The following EPB41L3 variants were observed in gnomAD, a reference collection of about 807,000 sequenced individuals.
The protein encoded by EPB41L3 is band 4.1-like protein 3.
A neutral mutation model predicts 127.1 loss-of-function variants in EPB41L3; 57 were observed. The ratio of observed to expected loss-of-function variants is 0.45; its 90% CI spans 0.36 to 0.56. The LOEUF is 0.56. Among genes scored for constraint, EPB41L3 ranks in the 20% least tolerant of loss-of-function variants. The pLI, the probability that EPB41L3 is intolerant of heterozygous loss-of-function variation, is 0.00. For missense variants in EPB41L3, 1,273 were observed against 1,372.2 expected, an observed-to-expected ratio of 0.93 and a Z score of 1.14; for synonymous variants, 572 against 549.5, an observed-to-expected ratio of 1.04 and a Z score of -0.57.
At chr18:5,427,418 T>C (rs1276994207) in intron 9 of EPB41L3, among the ~76,000 whole-genome samples, 1 of 152,164 alleles carries the variant, frequency 6.6e-6, no homozygotes, top group Non-Finnish European at 1.5e-5. Context: ...CTAAGGAAGA[T>C]ATAAACGTAA....
chr18:5,395,173 T>C (rs372063784), intron 20 of EPB41L3, 26 bp from the exon 21 acceptor site: 19 of 1,599,412 alleles, frequency 1.2e-5, no homozygotes, highest in South Asian at 5.5e-5. Flanking sequence ...AGAAGCTTTA[T>C]GAATTTACTC....
At chr18:5,487,423 T>A (rs1165855846) in intron 2 of EPB41L3, among the ~76,000 whole-genome samples, 2 of 150,132 alleles carry the variant, frequency 1.3e-5, no homozygotes, top group Admixed American at 1.3e-4. Flanking sequence ...TATAAAAATA[T>A]AAATGTACTT....
chr18:5,568,985 A>G (rs1260536342), intron 3 of EPB41L3, among the ~76,000 whole-genome samples: 1 of 152,246 alleles, frequency 6.6e-6, no homozygotes, highest in East Asian at 1.9e-4. Flanking sequence ...GCAGTCTCTA[A>G]GGAACATTTC....
At chr18:5,481,298 A>G (rs565479123) in intron 2 of EPB41L3, among the ~76,000 whole-genome samples, 1 of 152,340 alleles carries the variant, frequency 6.6e-6, no homozygotes, top group East Asian at 1.9e-4. Context: ...CACCAGCAAC[A>G]ACCTGGAACT....
At chr18:5,556,964 G>C (rs553615864) in intron 3 of EPB41L3, among the ~76,000 whole-genome samples, 13 of 152,244 alleles carry the variant, frequency 8.5e-5, no homozygotes, top group South Asian at 6.2e-4. Flanking sequence ...CTCTCTCTCT[G>C]CCAGCACAGC....
At chr18:5,587,274 C>T (rs917970923) in intron 3 of EPB41L3, among the ~76,000 whole-genome samples, 4 of 152,010 alleles carry the variant, frequency 2.6e-5, no homozygotes, top group Admixed American at 1.3e-4. Context: ...AGCTTTTGCA[C>T]GTTCTTTTAC....
intron 3 of EPB41L3, among the ~76,000 whole-genome samples, chr18:5,454,624 CT>C (rs2082761333): frequency 6.6e-6 from 1 of 152,172 alleles, no homozygotes; most frequent in African/African-American, 2.4e-5. Context: ...TCAGTCCTTT[CT>C]TTAAATTCAT....
intron 1 of EPB41L3, among the ~76,000 whole-genome samples, chr18:5,617,030 T>C (rs1568653855): frequency 6.6e-6 from 1 of 152,216 alleles, no homozygotes; most frequent in East Asian, 1.9e-4. Flanking sequence ...CTTTAAAAGA[T>C]AATGCCTAAC....
At chr18:5,429,824 A>G (rs547828299) in intron 8 of EPB41L3, among the ~76,000 whole-genome samples, 1 of 152,294 alleles carries the variant, frequency 6.6e-6, no homozygotes, top group South Asian at 2.1e-4. Context: ...AATTTGAAAG[A>G]GTGATTTAAA....
chr18:5,484,518 A>AT (rs1010217062), intron 2 of EPB41L3, among the ~76,000 whole-genome samples: 17 of 141,902 alleles, frequency 1.2e-4, no homozygotes, highest in South Asian at 4.5e-4. Flanking sequence ...TGAAATTGAG[A>AT]TAAAAAAAAA....
intron 3 of EPB41L3, among the ~76,000 whole-genome samples, chr18:5,474,559 T>A (rs2086793465): frequency 6.6e-6 from 1 of 152,144 alleles, no homozygotes; most frequent in South Asian, 2.1e-4. Context: ...GCCTTAATGA[T>A]TTTAAGTTGA....
rs571320717 is a variant in EPB41L3 at position 5,615,455 on chromosome 18, G to A, written c.-467-1032C>T. On this transcript the variant is annotated intron_variant, in intron 1 of 21. Coordinates refer to the EPB41L3 transcript ENST00000545076. ...TGTTTTGATACATGGGGGAGGTGGG[G>A]ATGGCTAATGGGTACAAAAAAACTA... 9.4e-4 allele frequency among the ~76,000 whole-genome samples: 143 copies of A among 152,126 alleles called. 1 individual carries two copies. The Middle Eastern group carries it at 0.014, about 14-fold the overall frequency.
At position 5,445,251 on chromosome 18, in the gene EPB41L3, A is replaced by G. The variant is rs1362193171; in HGVS notation, c.382-7T>C. The G allele has an allele frequency of 1.2e-6, 2 of 1,607,570 alleles. No individual in the cohort carries two copies. Among genetic ancestry groups the G allele is most frequent in the African/African-American group, 1.3e-5 (1 of 74,944 alleles). ...CTTGTCCTCTGGAGCGTTTCTACAG[A>G]AAACAGAATAGCAAAGCAAGTCAAT... On this transcript the variant is annotated splice_region_variant and splice_polypyrimidine_tract_variant and intron_variant, in intron 3 of 22. Coordinates refer to ENST00000341928, the MANE Select transcript of EPB41L3 (RefSeq NM_012307.5).
chr18:5,469,548 G>C (rs1384549571), intron 3 of EPB41L3, among the ~76,000 whole-genome samples: 1 of 152,188 alleles, frequency 6.6e-6, no homozygotes, highest in Non-Finnish European at 1.5e-5. Flanking sequence ...CCCTTGACAG[G>C]TGTGGGATCT....
At chr18:5,475,893 G>T (rs781687381) in intron 3 of EPB41L3, among the ~76,000 whole-genome samples, 1 of 151,860 alleles carries the variant, frequency 6.6e-6, no homozygotes, top group Non-Finnish European at 1.5e-5. Flanking sequence ...TCAAGTCTTT[G>T]ATACAGATTC....
chr18:5,526,946 A>T (rs1259466694), intron 1 of EPB41L3, among the ~76,000 whole-genome samples: 1 of 152,078 alleles, frequency 6.6e-6, no homozygotes, highest in African/African-American at 2.4e-5. Flanking sequence ...CTGAATAGAG[A>T]CAGTGAAAAT....
At chr18:5,607,231 G>C (rs930171627) in intron 3 of EPB41L3, among the ~76,000 whole-genome samples, 1 of 152,164 alleles carries the variant, frequency 6.6e-6, no homozygotes, top group East Asian at 1.9e-4. Context: ...CTGTCTCTCT[G>C]GAGTCAGATA....
At chr18:5,531,522 A>G (rs2093409384) in intron 1 of EPB41L3, among the ~76,000 whole-genome samples, 2 of 152,230 alleles carry the variant, frequency 1.3e-5, no homozygotes, top group Admixed American at 6.5e-5. Flanking sequence ...CAGGAGTTCA[A>G]GACCAGCCTG....
At position 5,469,929 on chromosome 18, in the gene EPB41L3, GC is replaced by G. The variant is rs1395385924; in HGVS notation, c.381+8311del. 3.9e-5 allele frequency among the ~76,000 whole-genome samples: 6 copies of G among 152,156 alleles called. No homozygotes were observed. The East Asian group carries it at 1.2e-3, about 29-fold the overall frequency. The stretch of plus-strand genomic sequence containing the variant: ...CAAGTAGCTGGGATTACATGAATGC[GC>G]CACCATGCACAGCTAATTTTTGTAT... On this transcript the variant is annotated intron_variant, in intron 3 of 22. Coordinates refer to ENST00000341928, the MANE Select transcript of EPB41L3 (RefSeq NM_012307.5).
Sources: gnomAD v4.1 joint callset for allele counts (sites outside exome capture counted in the v4.1 genomes callset) on GRCh38, gnomAD v4.1.1 for gene constraint, MANE v1.5 for transcripts, NCBI Gene and HGNC (gene_info 2026-07-23, HGNC 2026-07-21) for gene names.